The following MTHFD1 variants were observed in gnomAD, a reference collection of about 807,000 sequenced individuals.
The protein encoded by MTHFD1 is C-1-tetrahydrofolate synthase, cytoplasmic.
Under a neutral mutation model 110.3 loss-of-function variants are expected in MTHFD1, and 44 were observed. That is an observed-to-expected ratio of 0.40 (90% confidence interval 0.31 to 0.51). The LOEUF is 0.51. Ranked by LOEUF, MTHFD1 falls within the 20% of genes least tolerant of loss-of-function variation. The probability of loss-of-function intolerance (pLI) is 0.60; values close to 1 mark genes in which losing one functional copy is unlikely to be tolerated. For missense variants in MTHFD1, 909 were observed against 1,173.1 expected (o/e 0.77, Z 3.29); for synonymous variants, 402 against 428.8 (o/e 0.94, Z 0.77).
At chr14:64,446,665 C>G (rs923994430) in intron 22 of MTHFD1, among the ~76,000 whole-genome samples, 4 of 152,062 alleles carry the variant, frequency 2.6e-5, no homozygotes, top group Admixed American at 2.6e-4. Context: ...CCTCAGCCTC[C>G]CAAGAAGCTG....
intron 12 of MTHFD1, 96 bp from the exon 13 acceptor site, chr14:64,430,088 G>C: frequency 9.9e-7 from 1 of 1,009,628 alleles, no homozygotes; most frequent in Non-Finnish European, 1.6e-6. Context: ...AAATAAATGT[G>C]CTTAGTAGTT....
chr14:64,425,667 G>A, intron 9 of MTHFD1, 63 bp from the exon 10 acceptor site: 3 of 1,356,172 alleles, frequency 2.2e-6, no homozygotes, highest in South Asian at 2.3e-5. Context: ...CCTGGAGCTT[G>A]AAACTGAGGT....
In MTHFD1 at chr14:64,459,780, G is replaced by A; in HGVS notation, c.*26G>A. ...CCAGATCACCATCCATCTTCAAGAA[G>A]CTACTTTGAAAGTCTGGCCAGTGTC... On this transcript the variant is annotated 3_prime_UTR_variant, in exon 28 of 28. Coordinates refer to ENST00000652337, the MANE Select transcript of MTHFD1 (RefSeq NM_005956.4). The A allele has an allele frequency of 6.5e-7, 1 of 1,533,866 alleles. No homozygotes were observed. The highest frequency in any genetic ancestry group is 8.7e-7 in the Non-Finnish European group (1 of 1,146,192).
At chr14:64,447,600 G>A (rs1291062627) in intron 22 of MTHFD1, among the ~76,000 whole-genome samples, 1 of 151,916 alleles carries the variant, frequency 6.6e-6, no homozygotes, top group Non-Finnish European at 1.5e-5. Context: ...GTGAGCCACT[G>A]GGCCCAGCCA....
At chr14:64,393,457 T>G (rs946858928) in intron 1 of MTHFD1, among the ~76,000 whole-genome samples, 1 of 151,694 alleles carries the variant, frequency 6.6e-6, no homozygotes, top group African/African-American at 2.4e-5. Context: ...AAAGTGCAGG[T>G]TGCTCAAAAG....
chr14:64,449,637 G>C lies in MTHFD1; in HGVS notation c.2457+15G>C. On this transcript the variant is annotated intron_variant, in intron 24 of 27. Transcript: ENST00000652337. ...ATGACCTCAAGGTGGGTGATTTGCT[G>C]TCTGCAAAAAAAGAAAAAAGACGAA... is the stretch of plus-strand genomic sequence containing the variant. 1 of 1,613,464 alleles carries C rather than the reference G, an allele frequency of 6.2e-7. No individual in the cohort carries two copies. Among genetic ancestry groups the C allele is most frequent in the East Asian group, 2.2e-5 (1 of 44,884 alleles).
At position 64,424,888 on chromosome 14, in the gene MTHFD1, T is replaced by C. The variant is rs747449673; in HGVS notation, c.812T>C (p.Val271Ala). The C allele has an allele frequency of 7.4e-6, 12 of 1,614,118 alleles. No homozygotes were observed. In the East Asian group the frequency reaches 2.4e-4, roughly 33 times the overall value. ...GAGAGGGCGAGCTTCATCACTCCTG[T>C]TCCTGGCGGCGTAGGGCCCATGACA... ...AKERASFITPVPGGVGPMTVA... is the reference protein window; with the variant it reads ...AKERASFITPAPGGVGPMTVA... Residue 271 changes from valine (V) to alanine (A), a missense_variant, in exon 9 of 28, where the codon GTT (valine) becomes GCT (alanine). By Grantham distance (64) the Val-to-Ala change is moderately conservative. This residue lies in a region of MTHFD1 where 424 missense variants were observed against 510.4 expected (regional missense o/e 0.83). Coordinates refer to ENST00000652337, the MANE Select transcript of MTHFD1 (RefSeq NM_005956.4).
chr14:64,441,211 A>C, intron 18 of MTHFD1, 174 bp from the exon 19 acceptor site: 1 of 678,810 alleles, frequency 1.5e-6, no homozygotes, highest in South Asian at 1.6e-5. Context: ...ATAATTTAAT[A>C]ATTGGCAACT....
In MTHFD1 at chr14:64,388,372, G is replaced by A. The variant is rs1455903595; in HGVS notation, c.-56G>A. 6.2e-7 allele frequency: 1 copy of A among 1,614,164 alleles called. No homozygotes were observed. Among genetic ancestry groups the A allele is most frequent in the South Asian group, 1.1e-5 (1 of 91,088 alleles). ...TGGGTTGTCCTGCTTGGCTGCGGAGGGAGTGGAACCTCGATATTGGTGGTG... is the reference window on the plus strand; with the variant it reads ...TGGGTTGTCCTGCTTGGCTGCGGAGAGAGTGGAACCTCGATATTGGTGGTG... On this transcript the variant is annotated 5_prime_UTR_variant, in exon 1 of 28. Coordinates refer to ENST00000652337, the MANE Select transcript of MTHFD1 (RefSeq NM_005956.4).
chr14:64,411,902 G>C (rs935215194), intron 3 of MTHFD1, among the ~76,000 whole-genome samples: 1 of 146,360 alleles, frequency 6.8e-6, no homozygotes, highest in Non-Finnish European at 1.5e-5. Flanking sequence ...GCTCCAACCA[G>C]AAAAAAAAAA....
chr14:64,444,203 C>G (rs1035085347), intron 21 of MTHFD1, among the ~76,000 whole-genome samples: 1 of 152,146 alleles, frequency 6.6e-6, no homozygotes, highest in African/African-American at 2.4e-5. Context: ...TGTTTTCCCT[C>G]TTGTTTGTAT....
rs1204037984 is a variant in MTHFD1 at position 64,417,907 on chromosome 14, G to A, written c.498G>A (p.Arg166=). 1.2e-6 allele frequency: 2 copies of A among 1,612,962 alleles called. No individual in the cohort carries two copies. ...IKETGVPIAG[R]HAVVVGRSKI... is the part of the protein sequence containing the mutation. ...TTTCAGGGGTGCCGATTGCCGGAAG[G>A]CATGCTGTGGTGGTTGGGCGCAGTA... is the stretch of plus-strand genomic sequence containing the variant. Residue 166 remains arginine, a synonymous_variant, in exon 7 of 28, where the codon AGG becomes AGA. Transcript: ENST00000652337. The surrounding 1 kb of genome is among the most constrained non-coding windows in gnomAD (Gnocchi z 4.4).
At chr14:64,435,954 A>G (rs2078203058) in intron 16 of MTHFD1, among the ~76,000 whole-genome samples, 1 of 152,224 alleles carries the variant, frequency 6.6e-6, no homozygotes, top group African/African-American at 2.4e-5. Context: ...CATTTTACAA[A>G]TTTAATTTTA....
At chr14:64,449,099 A>T (rs1397082949) in intron 23 of MTHFD1, 2 of 362,326 alleles carry the variant, frequency 5.5e-6, no homozygotes, top group African/African-American at 4.2e-5. Context: ...GCGCCCAGCC[A>T]GCAAAATTCT....
intron 4 of MTHFD1, among the ~76,000 whole-genome samples, chr14:64,414,656 ATTTTTT>A (rs564110675): frequency 8.1e-6 from 1 of 124,040 alleles, no homozygotes; most frequent in Non-Finnish European, 1.7e-5. Context: ...CCCAGCCCTA[ATTTTTT>A]TTTTTTTTTT....
Position 64,400,775 on chromosome 14 carries a change from C to G in MTHFD1, c.42-18C>G. The G allele has an allele frequency of 6.4e-7, 1 of 1,555,028 alleles. No homozygotes were observed. The highest frequency in any genetic ancestry group is 2.2e-5 in the East Asian group (1 of 44,592). On this transcript the variant is annotated intron_variant, in intron 1 of 27. Transcript: ENST00000652337. ...TTGAAACATTCAGTGTTAACCCCAC[C>G]CTTTCCTTTTTCTCTAGGCAAATAA...
At chr14:64,439,267 C>T in intron 17 of MTHFD1, 95 bp downstream of exon 17, 3 of 906,992 alleles carry the variant, frequency 3.3e-6, no homozygotes, top group Non-Finnish European at 5.4e-6. Flanking sequence ...ACTGATACTG[C>T]CAGGTGTTGT....
At chr14:64,437,817 C>T (rs1254879604) in intron 16 of MTHFD1, among the ~76,000 whole-genome samples, 1 of 152,164 alleles carries the variant, frequency 6.6e-6, no homozygotes, top group African/African-American at 2.4e-5. Flanking sequence ...TAGGGGGCAT[C>T]ACTCTCCCAG....
chr14:64,399,556 G>A (rs2077880593), intron 1 of MTHFD1, among the ~76,000 whole-genome samples: 1 of 150,892 alleles, frequency 6.6e-6, no homozygotes, highest in Admixed American at 6.6e-5. Flanking sequence ...CTACTCAGGA[G>A]ACTGAGGCAG....
Sources: allele counts gnomAD v4.1 joint callset (sites outside exome capture counted in the v4.1 genomes callset), GRCh38; gene constraint gnomAD v4.1.1; regional missense constraint gnomAD v4.1.1; non-coding constraint Gnocchi (gnomAD v3.1); transcripts MANE v1.5; gene names NCBI Gene and HGNC (gene_info 2026-07-23, HGNC 2026-07-21).